TDP2: variants seen among roughly 807,000 people sequenced by gnomAD.
TDP2 encodes the protein 5'-Tyr-DNA phosphodiesterase.
Under a neutral mutation model 42.8 loss-of-function variants are expected in TDP2, and 38 were observed. The observed-to-expected ratio is 0.89, with a 90% CI of 0.68 to 1.16. The LOEUF (loss-of-function observed/expected upper bound fraction) is 1.16, where lower values mean the gene tolerates loss of function less well. TDP2 is among the 50% of genes most tolerant of loss of function. The pLI, the probability that TDP2 is intolerant of heterozygous loss-of-function variation, is 0.00. For missense variants in TDP2, 439 were observed against 439.3 expected (o/e 1.00, Z 0.01); for synonymous variants, 173 against 150.6 (o/e 1.15, Z -1.09).
At chr6:24,660,846 C>T (rs1778134447) in intron 2 of TDP2, among the ~76,000 whole-genome samples, 1 of 152,210 alleles carries the variant, frequency 6.6e-6, no homozygotes, top group South Asian at 2.1e-4. Flanking sequence ...ATTTATCTTA[C>T]AGAATGTCCT....
chr6:24,660,885 T>C (rs1346318542), intron 2 of TDP2, among the ~76,000 whole-genome samples: 1 of 152,166 alleles, frequency 6.6e-6, no homozygotes, highest in Non-Finnish European at 1.5e-5. Flanking sequence ...TTCCTATTAT[T>C]TGATTCAGAT....
chr6:24,665,498 A>G (rs538555212), intron 2 of TDP2, among the ~76,000 whole-genome samples: 1 of 152,388 alleles, frequency 6.6e-6, no homozygotes, highest in South Asian at 2.1e-4. Context: ...TGTAGCTGAA[A>G]AGACCAAAGG....
At chr6:24,658,864 G>T in intron 2 of TDP2, 130 bp from the exon 3 acceptor site, 1 of 876,614 alleles carries the variant, frequency 1.1e-6, no homozygotes, top group Non-Finnish European at 1.7e-6. Flanking sequence ...GTCCTTACAG[G>T]GTTAACAAGA....
chr6:24,662,166 C>A (rs968120616), intron 2 of TDP2, among the ~76,000 whole-genome samples: 2 of 152,120 alleles, frequency 1.3e-5, no homozygotes, highest in East Asian at 3.9e-4. Context: ...GGATTCCCCC[C>A]ACTGAGACAG....
rs1463151002 is a variant in TDP2, at chr6:24,657,744, C to A, written c.517+68G>T. On this transcript the variant is annotated intron_variant, in intron 4 of 6. Transcript: ENST00000378198. The stretch of plus-strand genomic sequence containing the variant: ...TCCTCTCTATGTCCCAATAGACCAA[C>A]TTTGATTTATCTCTTTCACTGATCT... 9.8e-6 allele frequency: 9 copies of A among 922,884 alleles called. No homozygotes were observed. In the East Asian group the frequency reaches 2.5e-4, roughly 26 times the overall value. 57.2% of individuals were successfully genotyped at this position (922,884 alleles called of 1,614,324 possible).
intron 3 of TDP2, 85 bp from the exon 4 acceptor site, chr6:24,657,988 C>T: frequency 1.0e-6 from 1 of 956,336 alleles, no homozygotes; most frequent in Admixed American, 2.8e-5. Flanking sequence ...CCACAACATA[C>T]CAAAAACAAA....
At chr6:24,663,546 G>A (rs991008674) in intron 2 of TDP2, among the ~76,000 whole-genome samples, 20 of 152,166 alleles carry the variant, frequency 1.3e-4, no homozygotes, top group African/African-American at 4.6e-4. Context: ...TGGTAGTGGG[G>A]TCCAGTGGGA....
At chr6:24,654,384 A>T in intron 5 of TDP2, 28 bp downstream of exon 5, 1 of 1,128,044 alleles carries the variant, frequency 8.9e-7, no homozygotes, top group Non-Finnish European at 1.3e-6. Context: ...TTTTTTTATA[A>T]AACACTCAAT....
At chr6:24,658,266 T>A (rs1000050028) in intron 3 of TDP2, among the ~76,000 whole-genome samples, 1 of 152,212 alleles carries the variant, frequency 6.6e-6, no homozygotes, top group Non-Finnish European at 1.5e-5. Flanking sequence ...TTGGCCAAGG[T>A]CACAGAGCCA....
chr6:24,657,757 C>A, intron 4 of TDP2, 55 bp downstream of exon 4: 1 of 1,056,798 alleles, frequency 9.5e-7, no homozygotes, highest in South Asian at 1.4e-5. Flanking sequence ...TGATTTATCT[C>A]TTTCACTGAT....
At chr6:24,654,730 C>CT (rs1778034138) in intron 4 of TDP2, among the ~76,000 whole-genome samples, 200 bp from the exon 5 acceptor site, 1 of 152,018 alleles carries the variant, frequency 6.6e-6, no homozygotes, top group Non-Finnish European at 1.5e-5. Flanking sequence ...TAGCTAGAAG[C>CT]TTAGAAGAAA....
chr6:24,652,427 AT>A (rs1582419361), intron 6 of TDP2, among the ~76,000 whole-genome samples: 1 of 152,108 alleles, frequency 6.6e-6, no homozygotes, highest in African/African-American at 2.4e-5. Context: ...TCCATGTTTA[AT>A]TTTTTAAGGT....
chr6:24,658,615 A>G lies in TDP2; in HGVS notation c.371T>C (p.Leu124Ser). The G allele has an allele frequency of 6.2e-7, 1 of 1,614,016 alleles. No homozygotes were observed. The highest frequency in any genetic ancestry group is 8.5e-7 in the Non-Finnish European group (1 of 1,179,896). ...CCTCTCTGACAGATTGTTTAGATCTAATCCATCAATATTCCAGGTAATGAG... is the reference window on the plus strand; with the variant it reads ...CCTCTCTGACAGATTGTTTAGATCTGATCCATCAATATTCCAGGTAATGAG... ...FSLITWNIDGLDLNNLSERAR... is the reference protein window; with the variant it reads ...FSLITWNIDGSDLNNLSERAR... The change falls in exon 3 of 7, where the codon TTA becomes TCA. Residue 124 changes from leucine (L) to serine (S), a missense_variant. Leu to Ser is a moderately radical substitution (Grantham distance 145). Transcript: ENST00000378198.
intron 4 of TDP2, among the ~76,000 whole-genome samples, chr6:24,655,343 T>C (rs1778046028): frequency 6.6e-6 from 1 of 152,218 alleles, no homozygotes; most frequent in South Asian, 2.1e-4. Context: ...GTAACCGGTT[T>C]ATCAGAAGAG....
intron 4 of TDP2, among the ~76,000 whole-genome samples, chr6:24,656,845 G>A (rs1778068123): frequency 6.6e-6 from 1 of 152,116 alleles, no homozygotes; most frequent in Non-Finnish European, 1.5e-5. Context: ...CTATTTCCTA[G>A]AAATTAATTA....
rs373596614 is a variant in TDP2 at position 24,658,520 on chromosome 6, C to A, written c.425+41G>T. On this transcript the variant is annotated intron_variant, in intron 3 of 6. Transcript: ENST00000378198. ...ACCTTGAACTGTTACTTTGTATATACATAAGACACATTACTATTAAATAGA... is the reference window on the plus strand; with the variant it reads ...ACCTTGAACTGTTACTTTGTATATAAATAAGACACATTACTATTAAATAGA... 12 of 1,524,490 alleles carry A rather than the reference C, an allele frequency of 7.9e-6. No individual in the cohort carries two copies. In the East Asian group the frequency reaches 2.3e-4, roughly 29 times the overall value. 94.4% of individuals were successfully genotyped at this position (1,524,490 alleles called of 1,614,324 possible). A position where few individuals can be genotyped will look rare whatever the true frequency, so the allele number is the denominator to read the frequency against.
At chr6:24,665,720 G>T (rs921685637) in intron 2 of TDP2, among the ~76,000 whole-genome samples, 2 of 152,068 alleles carry the variant, frequency 1.3e-5, no homozygotes, top group African/African-American at 4.8e-5. Context: ...ATTATAATAC[G>T]GACTAAGGTA....
chr6:24,658,435 T>A (rs934032359), intron 3 of TDP2, 126 bp downstream of exon 3: 2 of 698,602 alleles, frequency 2.9e-6, no homozygotes, highest in Non-Finnish European at 4.3e-6. Flanking sequence ...TCATCTTAAT[T>A]CTTCAGATGT....
chr6:24,655,765 G>A (rs1489796663), intron 4 of TDP2, among the ~76,000 whole-genome samples: 1 of 152,152 alleles, frequency 6.6e-6, no homozygotes, highest in Non-Finnish European at 1.5e-5. Flanking sequence ...CACCACCCCA[G>A]TCCCAACACC....
Sources: gnomAD v4.1 joint callset for allele counts (sites outside exome capture counted in the v4.1 genomes callset) on GRCh38, gnomAD v4.1.1 for gene constraint, MANE v1.5 for transcripts, NCBI Gene and HGNC (gene_info 2026-07-23, HGNC 2026-07-21) for gene names.